Variants in TBC1D30 observed in about 807,000 individuals in gnomAD.
TBC1D30 encodes TBC1 domain family, member 30.
Under a neutral mutation model 63.2 loss-of-function variants are expected in TBC1D30, and 31 were observed. The ratio of observed to expected loss-of-function variants is 0.49; its 90% CI spans 0.37 to 0.66. TBC1D30 has a LOEUF of 0.66. TBC1D30 is among the 30% of genes least tolerant of loss of function. The pLI, the probability that TBC1D30 is intolerant of heterozygous loss-of-function variation, is 0.00. For synonymous variants in TBC1D30, 307 were observed against 361.5 expected (o/e 0.85, Z 1.71); for missense variants, 810 against 953.6 (o/e 0.85, Z 1.98).
chr12:64,852,099 T>C (rs911026293), intron 8 of TBC1D30, among the ~76,000 whole-genome samples: 2 of 152,248 alleles, frequency 1.3e-5, no homozygotes, highest in African/African-American at 4.8e-5. Context: ...CTGGGTAATA[T>C]CTTGAAGAGT....
Position 64,780,935 on chromosome 12 carries a change from C to T in TBC1D30, c.127C>T (p.Pro43Ser), listed in dbSNP as rs990906606. The change falls in exon 1 of 13, where the codon CCG (proline) becomes TCG (serine). Residue 43 changes from proline (P) to serine (S), a missense_variant. Transcript: ENST00000542120. ...AACGATTCCTGCAGCTCCCCCAGCC[C>T]CGCGCCTCCGGGGAGCGGCGGAGCG... 4 of 1,051,336 alleles carry T rather than the reference C, an allele frequency of 3.8e-6. No homozygotes were observed. The African/African-American group carries it at 5.2e-5, about 14-fold the overall frequency. 65.1% of individuals were successfully genotyped at this position (1,051,336 alleles called of 1,614,324 possible). A position where few individuals can be genotyped will look rare whatever the true frequency, so the allele number is the denominator to read the frequency against.
At chr12:64,760,403 A>G (rs1460176263) in intron 1 of TBC1D30, among the ~76,000 whole-genome samples, 1 of 152,026 alleles carries the variant, frequency 6.6e-6, no homozygotes, top group African/African-American at 2.4e-5. Context: ...GTCTCTACTA[A>G]AATACAAAAA....
chr12:64,785,104 C>T (rs565494528), intron 1 of TBC1D30, among the ~76,000 whole-genome samples: 1 of 150,998 alleles, frequency 6.6e-6, no homozygotes, highest in African/African-American at 2.4e-5. Flanking sequence ...AAATTATTTA[C>T]TTTTAGCTCA....
At chr12:64,783,521 T>A (rs574423001) in intron 1 of TBC1D30, among the ~76,000 whole-genome samples, 1 of 152,276 alleles carries the variant, frequency 6.6e-6, no homozygotes, top group African/African-American at 2.4e-5. Flanking sequence ...AATGTCCTTA[T>A]TTTTCCTCAG....
At chr12:64,829,376 A>C (rs1320504879) in intron 3 of TBC1D30, among the ~76,000 whole-genome samples, 1 of 152,166 alleles carries the variant, frequency 6.6e-6, no homozygotes, top group Non-Finnish European at 1.5e-5. Flanking sequence ...GCTTACATGA[A>C]TTCCTCTTGG....
rs942520426 is a variant in TBC1D30, at chr12:64,866,797, G to C, written c.1185G>C (p.Glu395Asp). 9 of 1,536,520 alleles carry C rather than the reference G, an allele frequency of 5.9e-6. No homozygotes were observed. Among genetic ancestry groups the C allele is most frequent in the Non-Finnish European group, 5.2e-6 (6 of 1,147,040 alleles). Residue 395 changes from glutamate (E) to aspartate (D), a missense_variant, in exon 10 of 12, where the codon GAG (glutamate) becomes GAC (aspartate). Glu to Asp is a conservative substitution (Grantham distance 45). Around this residue, in one of 4 missense-constraint regions of TBC1D30, gnomAD observed 450 missense variants for 473.0 expected, o/e 0.95. Transcript: ENST00000539867. ...GTAAGGCCAGAGACAGTGATGAAGAGAATGACCCAGACGATGAGGATGCTG... is the reference window on the plus strand; with the variant it reads ...GTAAGGCCAGAGACAGTGATGAAGACAATGACCCAGACGATGAGGATGCTG... ...RHSKARDSDEENDPDDEDAVV... is the reference protein window; with the variant it reads ...RHSKARDSDEDNDPDDEDAVV...
intron 2 of TBC1D30, among the ~76,000 whole-genome samples, chr12:64,795,530 A>C (rs766437296): frequency 6.6e-6 from 1 of 151,528 alleles, no homozygotes; most frequent in Non-Finnish European, 1.5e-5. Context: ...ATTTCTTGTC[A>C]AGCCTCCTGG....
intron 1 of TBC1D30, among the ~76,000 whole-genome samples, chr12:64,766,308 C>G (rs941915749): frequency 1.1e-4 from 16 of 152,112 alleles, no homozygotes; most frequent in African/African-American, 3.9e-4. Context: ...ATAGAGAAAA[C>G]TCTGATCTCA....
intron 1 of TBC1D30, among the ~76,000 whole-genome samples, chr12:64,767,516 A>G (rs541261693): frequency 6.6e-6 from 1 of 152,280 alleles, no homozygotes; most frequent in African/African-American, 2.4e-5. Context: ...TGTCCCTATC[A>G]GAAAAGAGGC....
intron 2 of TBC1D30, among the ~76,000 whole-genome samples, chr12:64,806,411 A>G (rs1168896820): frequency 6.6e-6 from 1 of 152,144 alleles, no homozygotes; most frequent in Non-Finnish European, 1.5e-5. Flanking sequence ...ATCTAGTCCA[A>G]TTTGCTCATT....
intron 5 of TBC1D30, among the ~76,000 whole-genome samples, chr12:64,835,654 G>A (rs765519769): frequency 2.6e-5 from 4 of 152,124 alleles, no homozygotes; most frequent in Non-Finnish European, 5.9e-5. Flanking sequence ...GAAAGTAGAG[G>A]TAGTGATTCA....
In TBC1D30 at chr12:64,877,399, AG is replaced by A. The variant is rs1295241148; in HGVS notation, c.*1613del. On this transcript the variant is annotated 3_prime_UTR_variant, in exon 12 of 12. Transcript: ENST00000539867. ...CTGTAGAGCAGGCTTTTACTATGAG[AG>A]GTACTACTTTTTATAATAGAGAATG... The A allele has an allele frequency of 6.5e-6, 1 of 153,848 alleles. No homozygotes were observed. The highest frequency in any genetic ancestry group is 6.4e-5 in the Admixed American group (1 of 15,626). The allele number at this position is 153,848 out of a possible 1,614,324, so 9.5% of individuals were successfully genotyped here.
intron 9 of TBC1D30, 33 bp from the exon 10 acceptor site, chr12:64,866,731 T>C: frequency 1.3e-6 from 2 of 1,529,302 alleles, no homozygotes; most frequent in East Asian, 2.4e-5. Flanking sequence ...GTTTTCTTTG[T>C]ATATTTCTTT....
At chr12:64,856,167 G>T (rs762547477) in intron 8 of TBC1D30, among the ~76,000 whole-genome samples, 24 of 151,964 alleles carry the variant, frequency 1.6e-4, no homozygotes, top group Admixed American at 7.9e-4. Flanking sequence ...AGTTAGATGG[G>T]GGGGGTGGGG....
At position 64,792,526 on chromosome 12, in the gene TBC1D30, C is replaced by T. The variant is rs563214760; in HGVS notation, c.643+6481C>T. On this transcript the variant is annotated intron_variant, in intron 2 of 12. Coordinates refer to the TBC1D30 transcript ENST00000542120. ...GGAAGTCAAAGGGCAAGGTTATAAA[C>T]GAGCCCTGTGACTTCTGCCAGGCTA... 3.6e-4 allele frequency among the ~76,000 whole-genome samples: 55 copies of T among 152,264 alleles called. 1 individual carries two copies. The South Asian group carries it at 9.9e-3, about 28-fold the overall frequency.
intron 2 of TBC1D30, among the ~76,000 whole-genome samples, chr12:64,795,615 A>T (rs1872206917): frequency 6.6e-6 from 1 of 151,322 alleles, no homozygotes; most frequent in Non-Finnish European, 1.5e-5. Flanking sequence ...CTTTCCTGTT[A>T]GTTTGGGATT....
At chr12:64,835,180 T>C (rs1436504676) in intron 5 of TBC1D30, among the ~76,000 whole-genome samples, 5 of 152,182 alleles carry the variant, frequency 3.3e-5, no homozygotes, top group African/African-American at 1.2e-4. Flanking sequence ...AAGATGATGT[T>C]ACGTGTACCT....
intron 10 of TBC1D30, among the ~76,000 whole-genome samples, chr12:64,870,298 G>A (rs1043786224): frequency 1.3e-5 from 2 of 152,144 alleles, no homozygotes; most frequent in African/African-American, 4.8e-5. Flanking sequence ...CTTAGACAAT[G>A]GCAGTGATTT....
At position 64,845,907 on chromosome 12, in the gene TBC1D30, G is replaced by A. The variant is rs368668736; in HGVS notation, c.1038+2422G>A. On this transcript the variant is annotated intron_variant, in intron 8 of 11. Coordinates refer to ENST00000539867, the MANE Select transcript of TBC1D30 (RefSeq NM_015279.2). ...ACTCCTGACATCAAGTGATCCTCCCGCCGAGCTTGGCCTCCCAAAATGCTG... is the reference window on the plus strand; with the variant it reads ...ACTCCTGACATCAAGTGATCCTCCCACCGAGCTTGGCCTCCCAAAATGCTG... Among the ~76,000 whole-genome samples the A allele has an allele frequency of 1.6e-3, 241 of 152,194 alleles. 1 individual carries two copies. The highest frequency in any genetic ancestry group is 5.6e-3 in the African/African-American group (234 of 41,502).
Sources: gnomAD v4.1 joint callset for allele counts (sites outside exome capture counted in the v4.1 genomes callset) on GRCh38, gnomAD v4.1.1 for gene constraint, gnomAD v4.1.1 regional missense constraint, MANE v1.5 for transcripts, NCBI Gene and HGNC (gene_info 2026-07-23, HGNC 2026-07-21) for gene names.